Variants in LRBA observed in about 807,000 individuals in gnomAD.
LRBA encodes LPS responsive beige-like anchor protein.
LRBA carries 176 observed loss-of-function variants against 330.0 expected under a neutral mutation model. The ratio of observed to expected loss-of-function variants is 0.53; its 90% CI spans 0.47 to 0.60. The LOEUF is 0.60. LRBA is among the 20% of genes least tolerant of loss of function. LRBA has a pLI of 0.00. For synonymous variants in LRBA, 1,230 were observed against 1,193.0 expected, an observed-to-expected ratio of 1.03 and a Z score of -0.64; for missense variants, 3,259 against 3,444.8, an observed-to-expected ratio of 0.95 and a Z score of 1.35.
chr4:150,580,009 C>G, intron 40 of LRBA: 1 of 284,370 alleles, frequency 3.5e-6, no homozygotes, highest in Non-Finnish European at 6.9e-6. Flanking sequence ...GCGCAGTGCC[C>G]TCCGGCCCAG....
intron 37 of LRBA, among the ~76,000 whole-genome samples, chr4:150,602,102 G>A (rs1416401496): frequency 6.6e-6 from 1 of 152,064 alleles, no homozygotes; most frequent in Non-Finnish European, 1.5e-5. Flanking sequence ...GTCACTTAAG[G>A]ACTATTTTTC....
intron 36 of LRBA, among the ~76,000 whole-genome samples, chr4:150,723,696 C>CT (rs1263681711): frequency 7.9e-5 from 12 of 152,182 alleles, no homozygotes; most frequent in African/African-American, 2.9e-4. Context: ...ATAAAGGGAA[C>CT]TTTGTCTTGC....
chr4:150,735,539 G>C (rs1423948322), intron 35 of LRBA, among the ~76,000 whole-genome samples, 173 bp from the exon 36 acceptor site: 1 of 152,150 alleles, frequency 6.6e-6, no homozygotes, highest in Non-Finnish European at 1.5e-5. Context: ...ACAGCAAAAG[G>C]TTACCCTTCT....
At chr4:150,885,070 G>A (rs549380114) in intron 17 of LRBA, among the ~76,000 whole-genome samples, 28 of 151,976 alleles carry the variant, frequency 1.8e-4, no homozygotes, top group Non-Finnish European at 3.5e-4. Context: ...TAAAGAATCT[G>A]TGAATTCAAA....
At chr4:150,369,903 A>G (rs750170842) in intron 47 of LRBA, among the ~76,000 whole-genome samples, 1 of 152,154 alleles carries the variant, frequency 6.6e-6, no homozygotes, top group Non-Finnish European at 1.5e-5. Flanking sequence ...TCTTCCAAGT[A>G]TCATACTACA....
In LRBA at chr4:150,275,368, C is replaced by G. The variant is rs187970585; in HGVS notation, c.8468+2485G>C. On this transcript the variant is annotated intron_variant, in intron 56 of 56. Coordinates refer to ENST00000651943, the MANE Select transcript of LRBA (RefSeq NM_001364905.1). ...GAAGCATTCCCTTTGAAAACTGGCA[C>G]AAGACAAGGATATACCCTCTCTCAC... Among the ~76,000 whole-genome samples, 820 of 152,116 alleles carry G rather than the reference C, an allele frequency of 5.4e-3. 6 individuals are homozygous for G. Among genetic ancestry groups the G allele is most frequent in the African/African-American group, 0.019 (775 of 41,482 alleles).
intron 35 of LRBA, among the ~76,000 whole-genome samples, chr4:150,756,297 T>C (rs1734287400): frequency 6.6e-6 from 1 of 152,018 alleles, no homozygotes. Flanking sequence ...TAAAAAATAT[T>C]TGGAGGGATC....
At chr4:150,311,954 T>C (rs1223841421) in intron 51 of LRBA, among the ~76,000 whole-genome samples, 7 of 152,172 alleles carry the variant, frequency 4.6e-5, no homozygotes, top group African/African-American at 1.7e-4. Flanking sequence ...ACAAGGTATG[T>C]GGTACTTTCT....
intron 40 of LRBA, among the ~76,000 whole-genome samples, chr4:150,501,544 A>C (rs752064481): frequency 7.9e-5 from 12 of 152,032 alleles, no homozygotes; most frequent in Admixed American, 4.6e-4. Context: ...CCTGGGATGC[A>C]GAAGGTGTAG....
At chr4:150,546,491 G>A (rs151021692) in intron 40 of LRBA, among the ~76,000 whole-genome samples, 1 of 152,142 alleles carries the variant, frequency 6.6e-6, no homozygotes, top group African/African-American at 2.4e-5. Flanking sequence ...ATTGCACAAG[G>A]TTTGTTAGCA....
intron 49 of LRBA, among the ~76,000 whole-genome samples, chr4:150,324,173 C>G (rs1732931696): frequency 6.6e-6 from 1 of 152,162 alleles, no homozygotes; most frequent in Non-Finnish European, 1.5e-5. Context: ...GCCAATAAGC[C>G]TCTGCCATGG....
chr4:150,793,298 G>A (rs924875115), intron 34 of LRBA, among the ~76,000 whole-genome samples: 2 of 151,890 alleles, frequency 1.3e-5, no homozygotes, highest in Non-Finnish European at 2.9e-5. Flanking sequence ...GCAAGACCCC[G>A]TCTTAAAAAA....
At chr4:150,331,673 C>T (rs753644679) in intron 48 of LRBA, among the ~76,000 whole-genome samples, 1 of 152,082 alleles carries the variant, frequency 6.6e-6, no homozygotes, top group African/African-American at 2.4e-5. Flanking sequence ...CTTACAATGA[C>T]CAAAAATATA....
chr4:150,267,889 G>A (rs553702532), intron 56 of LRBA, among the ~76,000 whole-genome samples: 37 of 151,846 alleles, frequency 2.4e-4, no homozygotes, highest in African/African-American at 7.5e-4. Context: ...GGGAAACCTC[G>A]TCTCTACTAA....
chr4:150,930,247 AGAGATTGCAGTGAGCT>A (rs1734343540), intron 2 of LRBA, among the ~76,000 whole-genome samples: 1 of 151,946 alleles, frequency 6.6e-6, no homozygotes, highest in Non-Finnish European at 1.5e-5. Flanking sequence ...CCTGAGTGGC[AGAGATTGCAGTGAGCT>A]GAGATTGTGC....
At chr4:150,644,127 A>C (rs1200634630) in intron 37 of LRBA, among the ~76,000 whole-genome samples, 1 of 151,956 alleles carries the variant, frequency 6.6e-6, no homozygotes, top group African/African-American at 2.4e-5. Context: ...ATGTTTTTAA[A>C]GGCATAGTGG....
chr4:151,014,272 G>A, intron 2 of LRBA, 155 bp downstream of exon 2: 3 of 597,802 alleles, frequency 5.0e-6, no homozygotes, highest in Non-Finnish European at 5.9e-6. Context: ...CTAAAAAACA[G>A]ATGAAATTGT....
chr4:150,733,841 C>G (rs1361158056), intron 36 of LRBA, among the ~76,000 whole-genome samples: 1 of 152,032 alleles, frequency 6.6e-6, no homozygotes, highest in Non-Finnish European at 1.5e-5. Flanking sequence ...TACCTAATAA[C>G]CTCACCAAAT....
intron 2 of LRBA, among the ~76,000 whole-genome samples, chr4:150,982,292 T>TA (rs1191245128): frequency 6.6e-6 from 1 of 152,156 alleles, no homozygotes; most frequent in Non-Finnish European, 1.5e-5. Flanking sequence ...TAAAAGTACT[T>TA]ACGTACATTG....
Sources: gnomAD v4.1 joint callset for allele counts (sites outside exome capture counted in the v4.1 genomes callset) on GRCh38, gnomAD v4.1.1 for gene constraint, MANE v1.5 for transcripts, NCBI Gene and HGNC (gene_info 2026-07-23, HGNC 2026-07-21) for gene names.